B3GAT2: variants seen among roughly 807,000 people sequenced by gnomAD.
The protein encoded by B3GAT2 is galactosylgalactosylxylosylprotein 3-beta-glucuronosyltransferase 2.
B3GAT2 carries 26 observed loss-of-function variants against 27.8 expected under a neutral mutation model. The ratio of observed to expected loss-of-function variants is 0.93; its 90% confidence interval spans 0.68 to 1.30. B3GAT2 has a LOEUF of 1.30. Ranked by LOEUF, B3GAT2 falls within the 50% of genes most tolerant of loss-of-function variation. The pLI is 0.00. For synonymous variants in B3GAT2, 218 were observed against 195.1 expected (o/e 1.12, Z -0.98); for missense variants, 458 against 459.0 (o/e 1.00, Z 0.02).
intron 2 of B3GAT2, among the ~76,000 whole-genome samples, chr6:70,876,873 G>A (rs1184649936): frequency 6.6e-6 from 1 of 152,196 alleles, no homozygotes; most frequent in African/African-American, 2.4e-5. Context: ...AGCTTTGGGA[G>A]CACAGGAGTT....
intron 1 of B3GAT2, among the ~76,000 whole-genome samples, chr6:70,907,689 T>C (rs887960112): frequency 4.7e-4 from 71 of 152,202 alleles, no homozygotes; most frequent in African/African-American, 1.5e-3. Flanking sequence ...AAACAATCTA[T>C]GTGATCCACC....
intron 2 of B3GAT2, among the ~76,000 whole-genome samples, chr6:70,870,547 T>G (rs1451073205): frequency 6.8e-6 from 1 of 147,478 alleles, no homozygotes; most frequent in African/African-American, 2.5e-5. Context: ...ATAATAATAA[T>G]AAAAAAAAGA....
Position 70,872,161 on chromosome 6 carries a change from G to A in B3GAT2, c.737-10183C>T, listed in dbSNP as rs150091943. ...TCCATTGTGCCTTTGAGAAGAAAGC[G>A]TATTCCATTCTTGTTGGGTGGAGTG... On this transcript the variant is annotated intron_variant, in intron 2 of 3. Transcript: ENST00000230053. Among the ~76,000 whole-genome samples, 986 of 151,992 alleles carry A rather than the reference G, an allele frequency of 6.5e-3. 11 individuals carry two copies. The highest frequency in any genetic ancestry group is 0.023 in the African/African-American group (935 of 41,522).
intron 1 of B3GAT2, among the ~76,000 whole-genome samples, chr6:70,899,659 A>G (rs1772460231): frequency 6.6e-6 from 1 of 152,236 alleles, no homozygotes; most frequent in Non-Finnish European, 1.5e-5. Context: ...TCACAGAATT[A>G]GCCCCTCTAT....
intron 2 of B3GAT2, among the ~76,000 whole-genome samples, chr6:70,888,102 T>C (rs1428864538): frequency 2.0e-5 from 3 of 152,166 alleles, no homozygotes; most frequent in African/African-American, 7.2e-5. Flanking sequence ...AGGGCAGGTA[T>C]GGATACAGGA....
chr6:70,908,837 C>T (rs1772641686), intron 1 of B3GAT2, among the ~76,000 whole-genome samples: 1 of 152,274 alleles, frequency 6.6e-6, no homozygotes, highest in Admixed American at 6.5e-5. Flanking sequence ...TTCTCAGGTT[C>T]TCCTGGTGGA....
intron 2 of B3GAT2, among the ~76,000 whole-genome samples, chr6:70,886,961 G>A (rs562679331): frequency 6.6e-6 from 1 of 152,150 alleles, no homozygotes; most frequent in African/African-American, 2.4e-5. Context: ...ACCAACCCAA[G>A]GACAAAGTCC....
intron 1 of B3GAT2, among the ~76,000 whole-genome samples, chr6:70,947,897 T>G (rs1214924325): frequency 6.6e-6 from 1 of 152,116 alleles, no homozygotes; most frequent in Non-Finnish European, 1.5e-5. Context: ...CAAGTGGACT[T>G]CATCCCTGGG....
At chr6:70,942,354 C>T (rs1422351000) in intron 1 of B3GAT2, among the ~76,000 whole-genome samples, 1 of 152,136 alleles carries the variant, frequency 6.6e-6, no homozygotes, top group East Asian at 1.9e-4. Flanking sequence ...ATTTCTCCAC[C>T]TCATCTTCTC....
intron 1 of B3GAT2, among the ~76,000 whole-genome samples, chr6:70,908,915 G>A (rs1350560736): frequency 6.6e-6 from 1 of 152,118 alleles, no homozygotes; most frequent in Non-Finnish European, 1.5e-5. Context: ...GATCATAGAA[G>A]TAATTAAACA....
intron 1 of B3GAT2, among the ~76,000 whole-genome samples, chr6:70,929,715 A>G (rs1175280307): frequency 6.6e-6 from 1 of 152,242 alleles, no homozygotes; most frequent in Non-Finnish European, 1.5e-5. Context: ...ATGGAAGAAC[A>G]TTCCATGCTT....
chr6:70,895,495 A>ATTT (rs59066944), intron 1 of B3GAT2, among the ~76,000 whole-genome samples: 1,011 of 76,622 alleles, frequency 0.013, 71 homozygotes, highest in East Asian at 0.034. Flanking sequence ...CAAAAAGGGG[A>ATTT]TTTTTTTTTT....
At chr6:70,943,305 C>G in intron 1 of B3GAT2, among the ~76,000 whole-genome samples, 1 of 152,198 alleles carries the variant, frequency 6.6e-6, no homozygotes, top group East Asian at 1.9e-4. Context: ...CCTGGTAGTG[C>G]TGCCTGCAGC....
At chr6:70,862,294 G>A (rs774163144) in intron 2 of B3GAT2, among the ~76,000 whole-genome samples, 3 of 152,096 alleles carry the variant, frequency 2.0e-5, no homozygotes, top group Non-Finnish European at 4.4e-5. Flanking sequence ...CCCCACATTT[G>A]CCACTAGGAA....
chr6:70,952,149 C>A (rs1408228029), intron 1 of B3GAT2, among the ~76,000 whole-genome samples: 1 of 152,038 alleles, frequency 6.6e-6, no homozygotes, highest in Admixed American at 6.5e-5. Flanking sequence ...CTGCCTAGTA[C>A]ACAAATAGCT....
At chr6:70,920,583 T>A (rs1484304958) in intron 1 of B3GAT2, among the ~76,000 whole-genome samples, 1 of 152,254 alleles carries the variant, frequency 6.6e-6, no homozygotes, top group East Asian at 1.9e-4. Flanking sequence ...TATTTCTTTA[T>A]CAAATTTGCC....
chr6:70,956,130 G>C lies in B3GAT2; in HGVS notation c.300C>G (p.Arg100=). 6.2e-7 allele frequency: 1 copy of C among 1,604,632 alleles called. No individual in the cohort carries two copies. The highest frequency in any genetic ancestry group is 8.5e-7 in the Non-Finnish European group (1 of 1,175,812). ...CCACCTGGCGGAACGTGTTGGCCAG[G>C]CGGGTCAGCTCCGCTTTCTGCACCG... ...SRPVQKAELT[R]LANTFRQVAQ... Residue 100 remains arginine (R), a synonymous_variant, in exon 1 of 4, where the codon CGC becomes CGG. Coordinates refer to ENST00000230053, the MANE Select transcript of B3GAT2 (RefSeq NM_080742.3).
Position 70,907,973 on chromosome 6 carries a change from C to A in B3GAT2, c.592-13701G>T, listed in dbSNP as rs564238757. On this transcript the variant is annotated intron_variant, in intron 1 of 3. Coordinates refer to ENST00000230053, the MANE Select transcript of B3GAT2 (RefSeq NM_080742.3). ...TTTTGTCACCTGTACCCAAAAGCTT[C>A]CTATTTGGCACACTTTCCATTCTGT... Among the ~76,000 whole-genome samples the A allele has an allele frequency of 7.9e-5, 12 of 152,284 alleles. No homozygotes were observed. In the South Asian group the frequency reaches 2.5e-3, roughly 32 times the overall value.
At chr6:70,937,601 T>C (rs867498844) in intron 1 of B3GAT2, among the ~76,000 whole-genome samples, 69 of 151,812 alleles carry the variant, frequency 4.5e-4, no homozygotes, top group Middle Eastern at 7.0e-3. Flanking sequence ...GTTCAATATA[T>C]GCAAATCAAT....
Sources: allele counts gnomAD v4.1 joint callset (sites outside exome capture counted in the v4.1 genomes callset), GRCh38; gene constraint gnomAD v4.1.1; transcripts MANE v1.5; gene names NCBI Gene and HGNC (gene_info 2026-07-23, HGNC 2026-07-21).